The following COLEC10 variants were observed in gnomAD, a reference collection of about 807,000 sequenced individuals.
The protein encoded by COLEC10 is collectin-10.
A neutral mutation model predicts 28.4 loss-of-function variants in COLEC10; 22 were observed. That is an observed-to-expected ratio of 0.78 (90% CI 0.55 to 1.11). The LOEUF (loss-of-function observed/expected upper bound fraction) is 1.11. Among genes scored for constraint, COLEC10 ranks in the 50% least tolerant of loss-of-function variants. COLEC10 has a pLI of 0.00. For missense variants in COLEC10, 361 were observed against 344.1 expected, an observed-to-expected ratio of 1.05 and a Z score of -0.39; for synonymous variants, 125 against 116.1, an observed-to-expected ratio of 1.08 and a Z score of -0.49.
At chr8:118,998,783 G>A (rs1813636662) in intron 1 of COLEC10, among the ~76,000 whole-genome samples, 1 of 142,770 alleles carries the variant, frequency 7.0e-6, no homozygotes, top group Admixed American at 7.5e-5. Flanking sequence ...GGAGGCAGAG[G>A]TTGCAGTGAG....
intron 1 of COLEC10, among the ~76,000 whole-genome samples, chr8:118,998,293 G>A (rs1230999498): frequency 6.6e-6 from 1 of 152,012 alleles, no homozygotes; most frequent in Non-Finnish European, 1.5e-5. Flanking sequence ...TCCCAATGTG[G>A]ATAAACTTAA....
At chr8:118,957,214 C>G in the COLEC10 span, among the ~76,000 whole-genome samples, 1 of 152,168 alleles carries the variant, frequency 6.6e-6, no homozygotes, top group Admixed American at 6.5e-5. Flanking sequence ...TATCCTGATA[C>G]AGATCAAAAG....
the COLEC10 span, among the ~76,000 whole-genome samples, chr8:118,960,122 C>A: frequency 1.3e-5 from 2 of 152,014 alleles, no homozygotes; most frequent in African/African-American, 4.8e-5. Context: ...CTACTGAAGA[C>A]CCAGAGGTGG....
chr8:119,025,479 T>A (rs1311371215), intron 2 of COLEC10, among the ~76,000 whole-genome samples: 1 of 152,164 alleles, frequency 6.6e-6, no homozygotes, highest in Non-Finnish European at 1.5e-5. Context: ...TGGCCTTAGG[T>A]CAGGAACTTC....
chr8:119,036,711 A>G (rs1814394753), intron 2 of COLEC10, among the ~76,000 whole-genome samples: 1 of 152,206 alleles, frequency 6.6e-6, no homozygotes, highest in South Asian at 2.1e-4. Flanking sequence ...GATACACTCA[A>G]ATTAAGACCA....
chr8:118,964,214 C>T, the COLEC10 span, among the ~76,000 whole-genome samples: 2 of 152,144 alleles, frequency 1.3e-5, no homozygotes, highest in Non-Finnish European at 2.9e-5. Context: ...CATCCTAATC[C>T]AAAATATTTT....
the COLEC10 span, among the ~76,000 whole-genome samples, chr8:118,981,111 C>A: frequency 6.6e-6 from 1 of 151,886 alleles, no homozygotes. Context: ...GTGGTTATAA[C>A]ACAATAGGGA....
At chr8:118,956,736 T>G in the COLEC10 span, among the ~76,000 whole-genome samples, 101,737 of 152,036 alleles carry the variant, frequency 0.67, 36,066 homozygotes, top group African/African-American at 0.92. Flanking sequence ...CCTACTCAGG[T>G]TTTCTCCTCA....
chr8:119,034,048 T>A (rs1211286035), intron 2 of COLEC10, among the ~76,000 whole-genome samples: 1 of 152,152 alleles, frequency 6.6e-6, no homozygotes, highest in Admixed American at 6.5e-5. Flanking sequence ...TACACAATGG[T>A]ATACTATCCA....
At chr8:119,069,629 A>AAAAAAAATATATATAT (rs1554627284) in intron 1 of COLEC10, among the ~76,000 whole-genome samples, 8 of 42,872 alleles carry the variant, frequency 1.9e-4, no homozygotes, top group Non-Finnish European at 3.5e-4. Context: ...AAAAAAAAAA[A>AAAAAAAATATATATAT]ATATATATAT....
the COLEC10 span, among the ~76,000 whole-genome samples, chr8:118,984,979 C>T: frequency 1.1e-4 from 16 of 151,960 alleles, no homozygotes; most frequent in Admixed American, 7.9e-4. Flanking sequence ...GAGAACAGCA[C>T]GGGAACGACC....
upstream of COLEC10, among the ~76,000 whole-genome samples, chr8:119,064,492 GA>G (rs1158231300): frequency 1.3e-5 from 2 of 152,124 alleles, no homozygotes; most frequent in African/African-American, 4.8e-5. Context: ...AATTTTCTTA[GA>G]ATCATAGAAT....
At position 119,015,475 on chromosome 8, in the gene COLEC10, G is replaced by A. The variant is rs914022143; in HGVS notation, n.235+5922G>A. Among the ~76,000 whole-genome samples the A allele has an allele frequency of 3.5e-5, 5 of 144,528 alleles. 1 individual carries two copies. Among genetic ancestry groups the A allele is most frequent in the African/African-American group, 1.2e-4 (4 of 34,252 alleles). The allele number at this position is 144,528 out of a possible 152,430, so 94.8% of individuals were successfully genotyped here. On this transcript the variant is annotated intron_variant and non_coding_transcript_variant, in intron 2 of 6. Coordinates refer to the COLEC10 transcript ENST00000521788. ...GTTAGGAAGAACAGAATTCTCTGGT[G>A]TATTTCAAAATAGTTTCTTTTCCCC...
At position 119,029,781 on chromosome 8, in the gene COLEC10, T is replaced by C. The variant is rs575685195; in HGVS notation, n.235+20228T>C. Among the ~76,000 whole-genome samples, 23 of 152,252 alleles carry C rather than the reference T, an allele frequency of 1.5e-4. No individual in the cohort carries two copies. In the South Asian group the frequency reaches 4.6e-3, roughly 30 times the overall value. On this transcript the variant is annotated intron_variant and non_coding_transcript_variant, in intron 2 of 6. Coordinates refer to the COLEC10 transcript ENST00000521788. ...CTTGAAGTCAAGAATAAAGAATAAG[T>C]ATAAGACAAATGGTGTTTCTACTAC...
intron 2 of COLEC10, among the ~76,000 whole-genome samples, chr8:119,044,747 C>T (rs1026069324): frequency 3.3e-5 from 5 of 150,926 alleles, no homozygotes; most frequent in African/African-American, 9.8e-5. Flanking sequence ...CCTAGCTACT[C>T]GGGGAAATGA....
At chr8:118,971,890 C>G in the COLEC10 span, among the ~76,000 whole-genome samples, 1 of 151,974 alleles carries the variant, frequency 6.6e-6, no homozygotes, top group Non-Finnish European at 1.5e-5. Flanking sequence ...TCAGTAGAAT[C>G]AGCAGCATTG....
At chr8:118,953,362 A>G in the COLEC10 span, among the ~76,000 whole-genome samples, 57 of 152,368 alleles carry the variant, frequency 3.7e-4, no homozygotes, top group East Asian at 7.3e-3. Flanking sequence ...TAGACTTGCC[A>G]TGGGACTCAA....
chr8:118,958,140 A>G, the COLEC10 span, among the ~76,000 whole-genome samples: 1 of 152,230 alleles, frequency 6.6e-6, no homozygotes, highest in Non-Finnish European at 1.5e-5. Context: ...CCAGAGGAAT[A>G]TGAACAATGC....
At chr8:119,051,082 A>C (rs571880851) in intron 2 of COLEC10, among the ~76,000 whole-genome samples, 5 of 152,314 alleles carry the variant, frequency 3.3e-5, no homozygotes, top group African/African-American at 1.2e-4. Flanking sequence ...TGTCTTATAG[A>C]ACTATTGACT....
Sources: allele counts gnomAD v4.1 joint callset (sites outside exome capture counted in the v4.1 genomes callset), GRCh38; gene constraint gnomAD v4.1.1; transcripts MANE v1.5; gene names NCBI Gene and HGNC (gene_info 2026-07-23, HGNC 2026-07-21).